Variants in SPAG16 observed in about 807,000 individuals in gnomAD.
The protein encoded by SPAG16 is sperm-associated antigen 16 protein.
Under a neutral mutation model 80.4 loss-of-function variants are expected in SPAG16, and 86 were observed. That is an observed-to-expected ratio of 1.07 (90% CI 0.90 to 1.28). The LOEUF is 1.28. Ranked by LOEUF, SPAG16 falls within the 50% of genes most tolerant of loss-of-function variation. The pLI, the probability that SPAG16 is intolerant of heterozygous loss-of-function variation, is 0.00. For synonymous variants in SPAG16, 294 were observed against 265.9 expected, an observed-to-expected ratio of 1.11 and a Z score of -1.03; for missense variants, 870 against 765.3, an observed-to-expected ratio of 1.14 and a Z score of -1.61.
At chr2:213,842,004 A>G (rs1156639638) in intron 10 of SPAG16, among the ~76,000 whole-genome samples, 2 of 152,146 alleles carry the variant, frequency 1.3e-5, no homozygotes, top group African/African-American at 4.8e-5. Flanking sequence ...GTAACTAAGC[A>G]TTTATGTTCA....
At chr2:213,305,978 C>A (rs2062924009) in intron 3 of SPAG16, among the ~76,000 whole-genome samples, 1 of 152,058 alleles carries the variant, frequency 6.6e-6, no homozygotes. Context: ...GTGTCCAGAG[C>A]TTTCCTTTGC....
At chr2:214,277,665 C>T (rs2125906982) in intron 15 of SPAG16, among the ~76,000 whole-genome samples, 1 of 152,270 alleles carries the variant, frequency 6.6e-6, no homozygotes, top group East Asian at 1.9e-4. Flanking sequence ...GCTGCCTTAT[C>T]CTTCTTCTGG....
intron 15 of SPAG16, among the ~76,000 whole-genome samples, chr2:214,306,750 C>CACCAAG (rs1235944832): frequency 6.6e-6 from 1 of 152,058 alleles, no homozygotes; most frequent in African/African-American, 2.4e-5. Flanking sequence ...GACAAACTTC[C>CACCAAG]TGATGTGCTG....
chr2:213,353,056 C>T (rs951711736), intron 7 of SPAG16, among the ~76,000 whole-genome samples: 3 of 152,192 alleles, frequency 2.0e-5, no homozygotes, highest in African/African-American at 7.2e-5. Context: ...ACTTGTCTAT[C>T]CGTATAGCTT....
chr2:213,413,788 A>G (rs2069113089), intron 9 of SPAG16, among the ~76,000 whole-genome samples: 1 of 152,204 alleles, frequency 6.6e-6, no homozygotes, highest in Non-Finnish European at 1.5e-5. Context: ...ATCTGACTAC[A>G]TCATCATTAT....
At chr2:213,881,048 A>G (rs1896278) in intron 11 of SPAG16, among the ~76,000 whole-genome samples, 90,406 of 151,990 alleles carry the variant, frequency 0.59, 28,767 homozygotes, top group South Asian at 0.85. Context: ...GAATCTGTAA[A>G]TTGCTTTGGG....
chr2:214,347,495 T>C (rs1186460735), intron 15 of SPAG16, among the ~76,000 whole-genome samples: 1 of 152,030 alleles, frequency 6.6e-6, no homozygotes, highest in African/African-American at 2.4e-5. Flanking sequence ...GGAATCCAGG[T>C]AGGGCTGAAA....
At chr2:213,950,256 A>G (rs891135701) in intron 12 of SPAG16, among the ~76,000 whole-genome samples, 41 of 152,284 alleles carry the variant, frequency 2.7e-4, no homozygotes, top group Middle Eastern at 3.4e-3. Context: ...AGTCTTTGCA[A>G]ATGTATCTTT....
chr2:213,554,063 G>A (rs1183231771), intron 10 of SPAG16, among the ~76,000 whole-genome samples: 1 of 152,032 alleles, frequency 6.6e-6, no homozygotes, highest in Non-Finnish European at 1.5e-5. Context: ...TCAGATACCA[G>A]TACCACCACC....
At chr2:213,718,569 G>A (rs1357280022) in intron 10 of SPAG16, among the ~76,000 whole-genome samples, 4 of 152,210 alleles carry the variant, frequency 2.6e-5, no homozygotes, top group Admixed American at 2.6e-4. Flanking sequence ...TGGGCTTGGT[G>A]GGCCCCGCAC....
rs1693719104 is a variant in SPAG16, at chr2:214,290,518, T to C, written c.1721-119622T>C. 2.0e-5 allele frequency among the ~76,000 whole-genome samples: 3 copies of C among 152,200 alleles called. No homozygotes were observed. In the South Asian group the frequency reaches 6.2e-4, roughly 31 times the overall value. On this transcript the variant is annotated intron_variant, in intron 15 of 15. Transcript: ENST00000331683. ...TTTTAAATGTAAATATTTACTGTTA[T>C]AAATGTCCCTTTTAGCACTGCTTTT...
At chr2:214,142,325 T>A (rs1192592137) in intron 14 of SPAG16, among the ~76,000 whole-genome samples, 2 of 152,208 alleles carry the variant, frequency 1.3e-5, no homozygotes, top group African/African-American at 4.8e-5. Flanking sequence ...TTTCAAATCT[T>A]TGAGACTCAC....
chr2:213,885,506 AAATT>A (rs1386793544), intron 11 of SPAG16, among the ~76,000 whole-genome samples: 2 of 152,172 alleles, frequency 1.3e-5, no homozygotes, highest in Non-Finnish European at 2.9e-5. Context: ...TCAGTTACAA[AAATT>A]AATTAGTTAC....
At chr2:214,351,774 A>AT (rs34879537) in intron 15 of SPAG16, among the ~76,000 whole-genome samples, 4 of 149,942 alleles carry the variant, frequency 2.7e-5, no homozygotes, top group African/African-American at 7.3e-5. Context: ...AATTGTATCA[A>AT]TTTTTTTTTT....
intron 15 of SPAG16, among the ~76,000 whole-genome samples, chr2:214,280,072 A>G (rs555561131): frequency 6.6e-6 from 1 of 152,220 alleles, no homozygotes; most frequent in South Asian, 2.1e-4. Context: ...ACACTAGAAG[A>G]CATGAAAATT....
intron 8 of SPAG16, chr2:213,365,291 G>A (rs751824821): frequency 3.5e-4 from 54 of 152,190 alleles, no homozygotes; most frequent in Non-Finnish European, 7.2e-4. Context: ...CTAAACTGTT[G>A]CATTTAGCAG....
Position 213,826,558 on chromosome 2 carries a change from CTT to C in SPAG16, c.1071-35926_1071-35925del, listed in dbSNP as rs979323021. ...ATGTGTTTGTATAGTTTCCAATATT[CTT>C]CTTGTTATTGAATTGTAGTTTTATT... is the stretch of plus-strand genomic sequence containing the variant. On this transcript the variant is annotated intron_variant, in intron 10 of 15. Coordinates refer to ENST00000331683, the MANE Select transcript of SPAG16 (RefSeq NM_024532.5). Among the ~76,000 whole-genome samples the C allele has an allele frequency of 4.1e-4, 62 of 151,886 alleles. 1 individual carries two copies. The highest frequency in any genetic ancestry group is 1.4e-3 in the African/African-American group (60 of 41,498).
chr2:213,846,972 G>GGTTGTAGAACT (rs1349604038), intron 10 of SPAG16, among the ~76,000 whole-genome samples: 1 of 152,162 alleles, frequency 6.6e-6, no homozygotes, highest in Non-Finnish European at 1.5e-5. Flanking sequence ...CAGGTTTAGT[G>GGTTGTAGAACT]GTTGTAGAAC....
intron 13 of SPAG16, among the ~76,000 whole-genome samples, chr2:214,057,861 G>A (rs1182804580): frequency 6.6e-6 from 1 of 152,062 alleles, no homozygotes; most frequent in Non-Finnish European, 1.5e-5. Context: ...ATGTTATGGA[G>A]ATGGCTTCTT....
Sources: allele counts gnomAD v4.1 joint callset (sites outside exome capture counted in the v4.1 genomes callset), GRCh38; gene constraint gnomAD v4.1.1; transcripts MANE v1.5; gene names NCBI Gene and HGNC (gene_info 2026-07-23, HGNC 2026-07-21).